PTPRK: variants seen among roughly 807,000 people sequenced by gnomAD.
PTPRK encodes the protein receptor-type tyrosine-protein phosphatase kappa.
PTPRK carries 75 observed loss-of-function variants against 178.0 expected under a neutral mutation model. The ratio of observed to expected loss-of-function variants is 0.42; its 90% confidence interval spans 0.35 to 0.51. PTPRK has a LOEUF of 0.51. PTPRK is among the 20% of genes least tolerant of loss of function. PTPRK has a pLI of 0.02. For synonymous variants in PTPRK, 637 were observed against 620.6 expected (o/e 1.03, Z -0.39); for missense variants, 1,441 against 1,797.8 (o/e 0.80, Z 3.59).
At chr6:128,019,004 T>C (rs912134760) in intron 13 of PTPRK, among the ~76,000 whole-genome samples, 7 of 152,178 alleles carry the variant, frequency 4.6e-5, no homozygotes, top group African/African-American at 1.7e-4. Context: ...ACTGTACTTA[T>C]TAGCATCATA....
intron 22 of PTPRK, among the ~76,000 whole-genome samples, chr6:127,984,128 A>G (rs975229197): frequency 5.3e-5 from 8 of 152,342 alleles, no homozygotes; most frequent in South Asian, 4.1e-4. Flanking sequence ...GGCAAATAAT[A>G]ATGTATATAT....
intron 2 of PTPRK, among the ~76,000 whole-genome samples, chr6:128,338,933 G>A (rs1040942641): frequency 3.9e-5 from 6 of 152,030 alleles, no homozygotes; most frequent in African/African-American, 1.4e-4. Flanking sequence ...AGACATCCCA[G>A]CAAAGATGCT....
chr6:128,295,657 A>T (rs1406266926), intron 3 of PTPRK, among the ~76,000 whole-genome samples: 1 of 152,084 alleles, frequency 6.6e-6, no homozygotes, highest in African/African-American at 2.4e-5. Flanking sequence ...TATAGTCAGG[A>T]GACCTAAACC....
At chr6:128,063,494 G>C (rs1445354846) in intron 13 of PTPRK, 2 of 152,136 alleles carry the variant, frequency 1.3e-5, no homozygotes, top group African/African-American at 4.8e-5. Context: ...GTCAATGTGG[G>C]ACACTTTTAC....
chr6:128,510,430 T>C (rs1354273499), intron 1 of PTPRK, among the ~76,000 whole-genome samples: 1 of 152,208 alleles, frequency 6.6e-6, no homozygotes, highest in Non-Finnish European at 1.5e-5. Context: ...TAATATCCCA[T>C]GTTGCTCAGA....
intron 7 of PTPRK, among the ~76,000 whole-genome samples, chr6:128,113,254 T>A (rs956036957): frequency 2.6e-5 from 4 of 151,940 alleles, no homozygotes; most frequent in African/African-American, 9.7e-5. Context: ...AGATAGAATA[T>A]ACATATGTAC....
chr6:128,033,077 T>C (rs1775620194), intron 13 of PTPRK, among the ~76,000 whole-genome samples: 1 of 152,044 alleles, frequency 6.6e-6, no homozygotes, highest in African/African-American at 2.4e-5. Flanking sequence ...CTTTGGGAAG[T>C]TGGTAGGGAT....
chr6:128,130,581 T>C (rs921536768), intron 7 of PTPRK, among the ~76,000 whole-genome samples: 1 of 152,152 alleles, frequency 6.6e-6, no homozygotes, highest in South Asian at 2.1e-4. Flanking sequence ...CATTATCGAG[T>C]GAAAGGGTTT....
chr6:128,110,404 T>C (rs555061216), intron 7 of PTPRK, among the ~76,000 whole-genome samples: 1 of 152,122 alleles, frequency 6.6e-6, no homozygotes, highest in Non-Finnish European at 1.5e-5. Flanking sequence ...CTTTTGGAAG[T>C]AGTAGCCGAC....
At chr6:128,461,888 T>C (rs532175321) in intron 1 of PTPRK, among the ~76,000 whole-genome samples, 5 of 152,400 alleles carry the variant, frequency 3.3e-5, no homozygotes, top group African/African-American at 9.6e-5. Flanking sequence ...GCATAATGTT[T>C]GTGATTGCAT....
intron 7 of PTPRK, among the ~76,000 whole-genome samples, chr6:128,112,654 T>C (rs962076037): frequency 6.6e-6 from 1 of 152,132 alleles, no homozygotes; most frequent in Non-Finnish European, 1.5e-5. Flanking sequence ...GGCAAGTTCA[T>C]TTTCAAAACA....
chr6:128,253,172 T>C (rs139776930), intron 3 of PTPRK, among the ~76,000 whole-genome samples: 21 of 152,284 alleles, frequency 1.4e-4, no homozygotes, highest in South Asian at 1.2e-3. Flanking sequence ...GGACCCACTA[T>C]TCATGGCTCA....
intron 2 of PTPRK, among the ~76,000 whole-genome samples, chr6:128,393,676 G>A (rs1411411966): frequency 6.6e-6 from 1 of 152,130 alleles, no homozygotes; most frequent in Admixed American, 6.5e-5. Context: ...AGCGAACACA[G>A]TATTTATTTA....
At chr6:128,106,629 C>A (rs1356709227) in intron 7 of PTPRK, among the ~76,000 whole-genome samples, 1 of 152,170 alleles carries the variant, frequency 6.6e-6, no homozygotes, top group Non-Finnish European at 1.5e-5. Flanking sequence ...AACCAAATCC[C>A]TTGGGCCTAC....
intron 1 of PTPRK, among the ~76,000 whole-genome samples, chr6:128,435,942 C>T (rs960405983): frequency 6.7e-6 from 1 of 149,298 alleles, no homozygotes; most frequent in East Asian, 2.0e-4. Flanking sequence ...TTAAATAAGT[C>T]AACTAATTGA....
chr6:127,991,694 A>G (rs1776634255), intron 19 of PTPRK, among the ~76,000 whole-genome samples: 1 of 151,430 alleles, frequency 6.6e-6, no homozygotes, highest in Non-Finnish European at 1.5e-5. Context: ...GCATCTTCAA[A>G]TATGTGTAAA....
chr6:128,159,973 T>C (rs1798465908), intron 7 of PTPRK, among the ~76,000 whole-genome samples: 1 of 151,778 alleles, frequency 6.6e-6, no homozygotes, highest in African/African-American at 2.4e-5. Context: ...GTTTCTTTAG[T>C]AGCACAAATT....
chr6:128,067,380 A>G (rs532040081), intron 12 of PTPRK, 139 bp downstream of exon 12: 19 of 899,954 alleles, frequency 2.1e-5, no homozygotes, highest in East Asian at 6.0e-5. Context: ...AACTGCGCAC[A>G]CTGTTGAGAA....
At chr6:128,032,517 A>T (rs1301949537) in intron 13 of PTPRK, among the ~76,000 whole-genome samples, 2 of 152,246 alleles carry the variant, frequency 1.3e-5, no homozygotes, top group Non-Finnish European at 2.9e-5. Flanking sequence ...GGAAATTTTA[A>T]ATCAAATATA....
Sources: gnomAD v4.1 joint callset for allele counts (sites outside exome capture counted in the v4.1 genomes callset) on GRCh38, gnomAD v4.1.1 for gene constraint, MANE v1.5 for transcripts, NCBI Gene and HGNC (gene_info 2026-07-23, HGNC 2026-07-21) for gene names.